Variants in DOCK4 observed in about 807,000 individuals in gnomAD.
DOCK4 encodes the protein dedicator of cytokinesis 4.
In DOCK4, 97 loss-of-function variants were observed where a neutral mutation model predicts 268.1. The observed-to-expected ratio is 0.36, with a 90% CI of 0.31 to 0.43. The LOEUF (loss-of-function observed/expected upper bound fraction) is 0.43, where lower values mean the gene tolerates loss of function less well. Ranked by LOEUF, DOCK4 falls within the 20% of genes least tolerant of loss-of-function variation. The pLI, the probability that DOCK4 is intolerant of heterozygous loss-of-function variation, is 1.00. For missense variants in DOCK4, 2,145 were observed against 2,455.7 expected (o/e 0.87, Z 2.67); for synonymous variants, 954 against 887.2 (o/e 1.08, Z -1.34).
In DOCK4 at chr7:112,032,670, T is replaced by C. The variant is rs966094872; in HGVS notation, c.38-28539A>G. On this transcript the variant is annotated intron_variant, in intron 1 of 52. Transcript: ENST00000428084. The stretch of plus-strand genomic sequence containing the variant: ...AGAAATTGCTGAAAAGTAGGCCAGA[T>C]TTTATTTCCAGCCATATCATTGTGA... Among the ~76,000 whole-genome samples, 4 of 152,192 alleles carry C rather than the reference T, an allele frequency of 2.6e-5. No individual in the cohort carries two copies. The South Asian group carries it at 6.2e-4, about 24-fold the overall frequency.
chr7:111,828,579 A>G (rs1210892991), intron 26 of DOCK4, among the ~76,000 whole-genome samples: 1 of 152,192 alleles, frequency 6.6e-6, no homozygotes, highest in East Asian at 1.9e-4. Flanking sequence ...GAAAATCTCA[A>G]TATATAATTG....
chr7:111,816,583 T>G (rs1322727206), intron 27 of DOCK4, among the ~76,000 whole-genome samples: 2 of 152,150 alleles, frequency 1.3e-5, no homozygotes, highest in African/African-American at 4.8e-5. Context: ...CTTCTTATTT[T>G]GAGGACTGGT....
chr7:111,883,835 A>G (rs1562842814), intron 16 of DOCK4, among the ~76,000 whole-genome samples: 1 of 152,146 alleles, frequency 6.6e-6, no homozygotes, highest in Non-Finnish European at 1.5e-5. Flanking sequence ...ATAGCTTCTT[A>G]CAGCTAAACT....
chr7:112,063,652 T>G (rs1044861223), intron 1 of DOCK4, among the ~76,000 whole-genome samples: 1 of 152,194 alleles, frequency 6.6e-6, no homozygotes, highest in African/African-American at 2.4e-5. Flanking sequence ...AATTGTTAAG[T>G]CGGGACTCTG....
chr7:111,769,492 C>A (rs758678687), intron 37 of DOCK4, 37 bp downstream of exon 37: 1 of 1,611,674 alleles, frequency 6.2e-7, no homozygotes, highest in Admixed American at 1.7e-5. Flanking sequence ...AACACCATCA[C>A]CCCAGGAGGG....
intron 1 of DOCK4, among the ~76,000 whole-genome samples, chr7:112,064,634 G>T (rs1806752756): frequency 6.6e-6 from 1 of 152,114 alleles, no homozygotes; most frequent in Non-Finnish European, 1.5e-5. Context: ...ACAAATGGGG[G>T]ATTTTGCCAA....
chr7:111,870,597 C>T (rs1806344000), intron 20 of DOCK4, among the ~76,000 whole-genome samples: 2 of 152,266 alleles, frequency 1.3e-5, no homozygotes, highest in Admixed American at 6.5e-5. Flanking sequence ...GCTGGGATTA[C>T]AGGCATGAGC....
chr7:112,075,889 C>G (rs1307800830), intron 1 of DOCK4, among the ~76,000 whole-genome samples: 1 of 152,010 alleles, frequency 6.6e-6, no homozygotes, highest in Non-Finnish European at 1.5e-5. Flanking sequence ...TTTCTGTGAG[C>G]TTTTACAACA....
At chr7:111,974,928 T>C (rs1426358603) in intron 8 of DOCK4, among the ~76,000 whole-genome samples, 4 of 152,210 alleles carry the variant, frequency 2.6e-5, no homozygotes, top group Non-Finnish European at 5.9e-5. Context: ...AATCCTATGA[T>C]AATGCGAAGT....
At chr7:111,919,047 G>A (rs2134562276) in intron 12 of DOCK4, among the ~76,000 whole-genome samples, 1 of 152,144 alleles carries the variant, frequency 6.6e-6, no homozygotes, top group African/African-American at 2.4e-5. Flanking sequence ...GAGAAAAACT[G>A]ATCAAGATTC....
intron 39 of DOCK4, among the ~76,000 whole-genome samples, chr7:111,760,927 T>C (rs867857519): frequency 6.6e-6 from 1 of 152,108 alleles, no homozygotes; most frequent in African/African-American, 2.4e-5. Context: ...GACATTTTAA[T>C]GATAATGAAG....
chr7:111,896,691 TG>T (rs561863673), intron 15 of DOCK4, among the ~76,000 whole-genome samples: 1 of 152,190 alleles, frequency 6.6e-6, no homozygotes, highest in Non-Finnish European at 1.5e-5. Flanking sequence ...AGATCTGAGC[TG>T]GAGGAGTTAG....
At chr7:111,840,940 A>T (rs1803638094) in intron 25 of DOCK4, 1 of 808,376 alleles carries the variant, frequency 1.2e-6, no homozygotes, top group South Asian at 1.4e-5. Flanking sequence ...GAAAGACAAG[A>T]CCAGGGCATA....
At chr7:111,811,612 C>T (rs1801138733) in intron 28 of DOCK4, among the ~76,000 whole-genome samples, 1 of 151,950 alleles carries the variant, frequency 6.6e-6, no homozygotes, top group South Asian at 2.1e-4. Context: ...TTTGAGTCTC[C>T]TTTGTCATAA....
intron 5 of DOCK4, among the ~76,000 whole-genome samples, chr7:111,991,212 T>C (rs926425946): frequency 6.6e-6 from 1 of 152,184 alleles, no homozygotes; most frequent in African/African-American, 2.4e-5. Context: ...GGATCCCTTA[T>C]AAAGCTGAAA....
At chr7:111,829,954 T>C (rs1445841056) in intron 26 of DOCK4, among the ~76,000 whole-genome samples, 4 of 152,182 alleles carry the variant, frequency 2.6e-5, no homozygotes, top group Non-Finnish European at 5.9e-5. Flanking sequence ...ATATGTACAT[T>C]ATCATTATGA....
chr7:111,732,341 T>A, intron 51 of DOCK4, 54 bp from the exon 52 acceptor site: 1 of 1,567,182 alleles, frequency 6.4e-7, no homozygotes, highest in South Asian at 1.1e-5. Flanking sequence ...GACGATTGAC[T>A]ATCTGCACAT....
intron 1 of DOCK4, among the ~76,000 whole-genome samples, chr7:112,109,563 G>A (rs1413531588): frequency 6.6e-5 from 10 of 152,102 alleles, no homozygotes; most frequent in Admixed American, 6.6e-4. Context: ...TAAAACTACT[G>A]AACTAAAAAT....
At chr7:111,868,934 A>G (rs1301041412) in intron 21 of DOCK4, among the ~76,000 whole-genome samples, 1 of 152,218 alleles carries the variant, frequency 6.6e-6, no homozygotes, top group East Asian at 1.9e-4. Context: ...TAAAATGTAT[A>G]CATTGTCTAC....
Sources: gnomAD v4.1 joint callset for allele counts (sites outside exome capture counted in the v4.1 genomes callset) on GRCh38, gnomAD v4.1.1 for gene constraint, MANE v1.5 for transcripts, NCBI Gene and HGNC (gene_info 2026-07-23, HGNC 2026-07-21) for gene names.